The following CDH13 variants were observed in gnomAD, a reference collection of about 807,000 sequenced individuals.
The protein encoded by CDH13 is cadherin 13, also known as cadherin-13.
In CDH13, 24 loss-of-function variants were observed where a neutral mutation model predicts 63.8. The ratio of observed to expected loss-of-function variants is 0.38; its 90% confidence interval spans 0.27 to 0.53. The LOEUF (loss-of-function observed/expected upper bound fraction) is 0.53. Ranked by LOEUF, CDH13 falls within the 20% of genes least tolerant of loss-of-function variation. The probability of loss-of-function intolerance (pLI) is 0.85; values close to 1 mark genes in which losing one functional copy is unlikely to be tolerated. For missense variants in CDH13, 1,049 were observed against 903.1 expected (o/e 1.16, Z -2.07); for synonymous variants, 503 against 355.3 (o/e 1.42, Z -4.67).
chr16:82,695,742 G>C (rs1156453943), intron 1 of CDH13, among the ~76,000 whole-genome samples: 1 of 152,198 alleles, frequency 6.6e-6, no homozygotes, highest in Non-Finnish European at 1.5e-5. Context: ...TAGAACAGCA[G>C]GAGATTTGAA....
chr16:83,683,015 C>T (rs1296343180), intron 10 of CDH13, among the ~76,000 whole-genome samples: 2 of 152,322 alleles, frequency 1.3e-5, no homozygotes, highest in Admixed American at 1.3e-4. Flanking sequence ...AGGAAATGCA[C>T]TTCTCAGGCA....
chr16:82,671,491 G>T (rs111716447), intron 1 of CDH13, among the ~76,000 whole-genome samples: 4 of 152,252 alleles, frequency 2.6e-5, no homozygotes, highest in African/African-American at 9.6e-5. Context: ...TTCAAAATCA[G>T]TTGTTTAAGA....
At chr16:83,206,827 C>T (rs1204953489) in intron 4 of CDH13, among the ~76,000 whole-genome samples, 1 of 152,180 alleles carries the variant, frequency 6.6e-6, no homozygotes. Context: ...AGGACACTGA[C>T]CAGAGTATTT....
intron 5 of CDH13, among the ~76,000 whole-genome samples, chr16:83,226,085 C>G (rs771014662): frequency 6.6e-6 from 1 of 152,210 alleles, no homozygotes; most frequent in Non-Finnish European, 1.5e-5. Context: ...CTTCTGAGTG[C>G]TTGTGAAAAA....
At chr16:82,822,467 AT>A (rs1423221501) in intron 1 of CDH13, among the ~76,000 whole-genome samples, 1 of 152,118 alleles carries the variant, frequency 6.6e-6, no homozygotes, top group Non-Finnish European at 1.5e-5. Context: ...AGGTTAAATC[AT>A]TTTTTTAAAA....
intron 1 of CDH13, among the ~76,000 whole-genome samples, chr16:82,832,625 A>G (rs1465700893): frequency 6.6e-6 from 1 of 152,214 alleles, no homozygotes; most frequent in Non-Finnish European, 1.5e-5. Context: ...TGAATCTTAA[A>G]CATTCTTTTC....
chr16:82,715,274 GA>G (rs1284134584), intron 1 of CDH13, among the ~76,000 whole-genome samples: 2 of 152,010 alleles, frequency 1.3e-5, no homozygotes, highest in East Asian at 3.9e-4. Context: ...CTTGCAGGCT[GA>G]AAATCAACTA....
chr16:83,283,233 C>A lies in CDH13; in HGVS notation c.637-61629C>A, dbSNP rs552177763. On this transcript the variant is annotated intron_variant, in intron 5 of 13. Coordinates refer to ENST00000567109, the MANE Select transcript of CDH13 (RefSeq NM_001257.5). ...TGGAGTTACTGGATGATACCAATGG[C>A]CAGGCCCTACCCCAGACAAGTTGAA... is the stretch of plus-strand genomic sequence containing the variant. 2.0e-5 allele frequency among the ~76,000 whole-genome samples: 3 copies of A among 152,264 alleles called. No homozygotes were observed. The South Asian group carries it at 6.2e-4, about 32-fold the overall frequency.
At chr16:83,604,313 G>A (rs1299737568) in intron 8 of CDH13, among the ~76,000 whole-genome samples, 1 of 152,128 alleles carries the variant, frequency 6.6e-6, no homozygotes, top group African/African-American at 2.4e-5. Context: ...AATACAGACT[G>A]CTCACTCTTG....
intron 5 of CDH13, among the ~76,000 whole-genome samples, chr16:83,273,960 G>T (rs1462871302): frequency 6.6e-6 from 1 of 152,088 alleles, no homozygotes; most frequent in African/African-American, 2.4e-5. Context: ...TCTATCATAG[G>T]CGGCAGTGCA....
In CDH13 at chr16:83,689,153, T is replaced by A. The variant is rs527327956; in HGVS notation, c.1538+10692T>A. 9.1e-4 allele frequency among the ~76,000 whole-genome samples: 138 copies of A among 152,346 alleles called. 1 individual carries two copies. Among genetic ancestry groups the A allele is most frequent in the Non-Finnish European group, 1.2e-3 (84 of 68,044 alleles). ...ATTGAAAACATGGTTTCAAATTGGC[T>A]ATATTTGAATATAATTATCAGGGTC... On this transcript the variant is annotated intron_variant, in intron 10 of 13. Coordinates refer to ENST00000567109, the MANE Select transcript of CDH13 (RefSeq NM_001257.5).
chr16:83,580,198 G>C (rs781650696), intron 7 of CDH13, among the ~76,000 whole-genome samples: 1 of 152,144 alleles, frequency 6.6e-6, no homozygotes, highest in Non-Finnish European at 1.5e-5. Flanking sequence ...GTAGCAGAGT[G>C]ATTGGCATTG....
intron 4 of CDH13, among the ~76,000 whole-genome samples, chr16:83,214,340 G>T (rs2039429837): frequency 6.6e-6 from 1 of 151,986 alleles, no homozygotes; most frequent in Admixed American, 6.6e-5. Context: ...AGCACTTTGG[G>T]AGGCTGAGGC....
At chr16:83,598,023 A>G (rs965113962) in intron 7 of CDH13, among the ~76,000 whole-genome samples, 2 of 152,202 alleles carry the variant, frequency 1.3e-5, no homozygotes, top group Non-Finnish European at 2.9e-5. Flanking sequence ...CACGACATTT[A>G]GACAAGAAGT....
intron 4 of CDH13, among the ~76,000 whole-genome samples, chr16:83,202,245 C>G (rs1175174700): frequency 6.6e-6 from 1 of 152,166 alleles, no homozygotes; most frequent in Non-Finnish European, 1.5e-5. Flanking sequence ...CCGGGACTGA[C>G]ATAGTGCTAG....
intron 6 of CDH13, among the ~76,000 whole-genome samples, chr16:83,472,115 C>T (rs1419583845): frequency 3.9e-5 from 6 of 152,178 alleles, no homozygotes; most frequent in Non-Finnish European, 5.9e-5. Context: ...TAGTCACTCA[C>T]TTAATCCATG....
At chr16:82,945,427 C>G (rs1904599158) in intron 2 of CDH13, among the ~76,000 whole-genome samples, 1 of 152,138 alleles carries the variant, frequency 6.6e-6, no homozygotes, top group African/African-American at 2.4e-5. Flanking sequence ...ATGATGTTTC[C>G]TAGGCCACTG....
At chr16:83,720,337 G>C (rs1233743049) in intron 10 of CDH13, among the ~76,000 whole-genome samples, 2 of 151,932 alleles carry the variant, frequency 1.3e-5, no homozygotes, top group Non-Finnish European at 2.9e-5. Flanking sequence ...ATTCACACAT[G>C]TGCACTCACA....
intron 1 of CDH13, among the ~76,000 whole-genome samples, chr16:82,712,517 C>T (rs1426153870): frequency 5.9e-5 from 9 of 152,156 alleles, no homozygotes; most frequent in Admixed American, 5.9e-4. Flanking sequence ...CTTACCACGC[C>T]TATCATGGTG....
Sources: allele counts gnomAD v4.1 joint callset (sites outside exome capture counted in the v4.1 genomes callset), GRCh38; gene constraint gnomAD v4.1.1; transcripts MANE v1.5; gene names NCBI Gene and HGNC (gene_info 2026-07-23, HGNC 2026-07-21).